Variants in MARCHF1 observed in about 807,000 individuals in gnomAD.
The protein encoded by MARCHF1 is membrane associated ring-CH-type finger 1.
Under a neutral mutation model 54.2 loss-of-function variants are expected in MARCHF1, and 40 were observed. The observed-to-expected ratio is 0.74, with a 90% CI of 0.57 to 0.96. The LOEUF is 0.96. MARCHF1 is among the 40% of genes least tolerant of loss of function. The probability of loss-of-function intolerance (pLI) is 0.00; values close to 1 mark genes in which losing one functional copy is unlikely to be tolerated. For missense variants in MARCHF1, 586 were observed against 656.5 expected, an observed-to-expected ratio of 0.89 and a Z score of 1.17; for synonymous variants, 236 against 236.3, an observed-to-expected ratio of 1.00 and a Z score of 0.01.
chr4:164,144,892 T>C (rs1729626196), intron 1 of MARCHF1, among the ~76,000 whole-genome samples: 1 of 122,060 alleles, frequency 8.2e-6, no homozygotes, highest in South Asian at 2.8e-4. Context: ...AGCTGGTTTT[T>C]TGAAAGGATC....
intron 5 of MARCHF1, among the ~76,000 whole-genome samples, chr4:163,625,265 A>G (rs1413961903): frequency 6.6e-6 from 1 of 152,104 alleles, no homozygotes; most frequent in African/African-American, 2.4e-5. Flanking sequence ...TTCAACTTCT[A>G]CTATGGTGTT....
chr4:163,813,818 G>A lies in MARCHF1; in HGVS notation c.111+40203C>T, dbSNP rs187181059. On this transcript the variant is annotated intron_variant, in intron 4 of 9. Coordinates refer to ENST00000514618, the MANE Select transcript of MARCHF1 (RefSeq NM_001394959.1). ...CTGAGTGTTGGGAGAAGCTGAGGCAGGGCTTGCATGTCTGACATAACGTAA... is the reference window on the plus strand; with the variant it reads ...CTGAGTGTTGGGAGAAGCTGAGGCAAGGCTTGCATGTCTGACATAACGTAA... Among the ~76,000 whole-genome samples, 215 of 152,306 alleles carry A rather than the reference G, an allele frequency of 1.4e-3. 1 individual carries two copies. The highest frequency in any genetic ancestry group is 4.9e-3 in the African/African-American group (204 of 41,570).
intron 3 of MARCHF1, among the ~76,000 whole-genome samples, chr4:163,956,505 T>C (rs1050351981): frequency 2.6e-5 from 4 of 152,102 alleles, no homozygotes; most frequent in Non-Finnish European, 5.9e-5. Flanking sequence ...TAATTAGTAC[T>C]AAGATTTTCA....
At chr4:164,334,194 C>T (rs1476713798) in intron 1 of MARCHF1, among the ~76,000 whole-genome samples, 1 of 152,140 alleles carries the variant, frequency 6.6e-6, no homozygotes, top group African/African-American at 2.4e-5. Context: ...AAGGTAGCTG[C>T]ACTAAACAAC....
intron 2 of MARCHF1, among the ~76,000 whole-genome samples, chr4:164,063,678 T>G (rs577713220): frequency 1.1e-4 from 16 of 152,376 alleles, no homozygotes; most frequent in African/African-American, 3.8e-4. Context: ...ATTTTCATTG[T>G]GCTTGAATTT....
At chr4:164,156,811 T>C (rs1730090386) in intron 1 of MARCHF1, among the ~76,000 whole-genome samples, 1 of 152,186 alleles carries the variant, frequency 6.6e-6, no homozygotes, top group African/African-American at 2.4e-5. Flanking sequence ...TATGCCCATG[T>C]ATCTGTTTAT....
At chr4:163,658,101 A>T (rs968079479) in intron 5 of MARCHF1, among the ~76,000 whole-genome samples, 1 of 152,152 alleles carries the variant, frequency 6.6e-6, no homozygotes, top group African/African-American at 2.4e-5. Flanking sequence ...ATAAACTATC[A>T]TCAGAGCAAA....
chr4:164,373,225 C>T (rs1439719927), intron 1 of MARCHF1, among the ~76,000 whole-genome samples: 1 of 152,064 alleles, frequency 6.6e-6, no homozygotes, highest in Non-Finnish European at 1.5e-5. Context: ...TGCCATCTCA[C>T]TAGTGAGTGG....
At chr4:163,725,687 G>A (rs1745631709) in intron 4 of MARCHF1, among the ~76,000 whole-genome samples, 1 of 152,150 alleles carries the variant, frequency 6.6e-6, no homozygotes. Context: ...TCAGGGCACA[G>A]AATCTCAAGT....
chr4:163,608,613 C>A (rs940883989), intron 7 of MARCHF1, among the ~76,000 whole-genome samples: 20 of 151,952 alleles, frequency 1.3e-4, no homozygotes, highest in African/African-American at 4.8e-4. Flanking sequence ...GTGGAAATAA[C>A]TGTGGGTATA....
chr4:164,344,806 C>G (rs1272783400), intron 1 of MARCHF1, among the ~76,000 whole-genome samples: 1 of 152,128 alleles, frequency 6.6e-6, no homozygotes, highest in East Asian at 1.9e-4. Context: ...GCAAGCAACG[C>G]CCCTGTCCTG....
chr4:164,316,217 A>C (rs1366165384), intron 1 of MARCHF1, among the ~76,000 whole-genome samples: 1 of 152,214 alleles, frequency 6.6e-6, no homozygotes, highest in African/African-American at 2.4e-5. Context: ...ACCCACTCCC[A>C]AACAAACTAA....
intron 2 of MARCHF1, among the ~76,000 whole-genome samples, chr4:164,050,629 C>T (rs976121811): frequency 6.6e-6 from 1 of 152,170 alleles, no homozygotes; most frequent in Non-Finnish European, 1.5e-5. Context: ...GGACATGTGG[C>T]ATGTCAGGTC....
At chr4:164,263,803 T>C (rs1733533217) in intron 1 of MARCHF1, among the ~76,000 whole-genome samples, 1 of 152,112 alleles carries the variant, frequency 6.6e-6, no homozygotes, top group African/African-American at 2.4e-5. Context: ...AGATACCATC[T>C]CACACCAGTC....
chr4:164,149,920 C>A (rs17579347), intron 1 of MARCHF1, among the ~76,000 whole-genome samples: 1 of 152,220 alleles, frequency 6.6e-6, no homozygotes, highest in East Asian at 1.9e-4. Flanking sequence ...TCATTCAGGG[C>A]TGGCCCACAT....
chr4:163,968,151 T>C (rs898922261), intron 3 of MARCHF1, among the ~76,000 whole-genome samples: 4 of 152,130 alleles, frequency 2.6e-5, no homozygotes, highest in African/African-American at 9.7e-5. Context: ...AGACACAAGA[T>C]CAAAGTCAGG....
intron 1 of MARCHF1, among the ~76,000 whole-genome samples, chr4:164,140,318 A>C (rs1311279136): frequency 2.0e-5 from 3 of 151,948 alleles, no homozygotes; most frequent in Non-Finnish European, 4.4e-5. Context: ...GAATAAACAA[A>C]AAAATCAACC....
At chr4:163,967,793 G>A (rs2110829730) in intron 3 of MARCHF1, among the ~76,000 whole-genome samples, 1 of 152,242 alleles carries the variant, frequency 6.6e-6, no homozygotes, top group East Asian at 1.9e-4. Flanking sequence ...GTGTGGACTA[G>A]CAGGCTCGAG....
At chr4:163,868,354 C>G (rs1449509506) in intron 3 of MARCHF1, among the ~76,000 whole-genome samples, 1 of 151,746 alleles carries the variant, frequency 6.6e-6, no homozygotes, top group Admixed American at 6.6e-5. Context: ...GAAAATCATA[C>G]AGAGAGAAGT....
Sources: allele counts gnomAD v4.1 joint callset (sites outside exome capture counted in the v4.1 genomes callset), GRCh38; gene constraint gnomAD v4.1.1; transcripts MANE v1.5; gene names NCBI Gene and HGNC (gene_info 2026-07-23, HGNC 2026-07-21).